Variants in BMPR1B observed in about 807,000 individuals in gnomAD.
BMPR1B encodes bone morphogenetic protein receptor type 1B, also known as bone morphogenetic protein receptor type-1B.
BMPR1B carries 12 observed loss-of-function variants against 59.1 expected under a neutral mutation model. That is an observed-to-expected ratio of 0.20 (90% CI 0.13 to 0.33). The LOEUF is 0.33. Among genes scored for constraint, BMPR1B ranks in the 10% least tolerant of loss-of-function variants. The pLI, the probability that BMPR1B is intolerant of heterozygous loss-of-function variation, is 1.00. For synonymous variants in BMPR1B, 237 were observed against 207.3 expected (o/e 1.14, Z -1.23); for missense variants, 550 against 610.9 (o/e 0.90, Z 1.05).
chr4:94,894,677 A>G (rs1246341268), intron 2 of BMPR1B, among the ~76,000 whole-genome samples: 2 of 151,618 alleles, frequency 1.3e-5, no homozygotes, highest in African/African-American at 2.4e-5. Flanking sequence ...TTTCCCTGAG[A>G]TATCTTTTGA....
chr4:94,770,613 C>T (rs758784601), intron 1 of BMPR1B, among the ~76,000 whole-genome samples: 5 of 151,968 alleles, frequency 3.3e-5, no homozygotes, highest in Non-Finnish European at 7.4e-5. Context: ...AAAATTTAAT[C>T]TATATTTCCT....
At chr4:95,127,044 C>CTGTGTGTGTGTGTGTGTGTGTG (rs6148578) in intron 8 of BMPR1B, among the ~76,000 whole-genome samples, 1,650 of 146,408 alleles carry the variant, frequency 0.011, 5 homozygotes, top group Middle Eastern at 0.021. Context: ...AGAATTAAGA[C>CTGTGTGTGTGTGTGTGTGTGTG]TGTGTGTGTG....
chr4:95,130,723 CTTTTTTTTTTTT>C (rs148720302), intron 9 of BMPR1B, among the ~76,000 whole-genome samples: 73 of 77,948 alleles, frequency 9.4e-4, no homozygotes, highest in African/African-American at 3.6e-3. Context: ...CTTTTCTTTT[CTTTTTTTTTTTT>C]TTTTTTTTTT....
chr4:94,807,765 A>G (rs918942403), intron 1 of BMPR1B, among the ~76,000 whole-genome samples: 2 of 152,058 alleles, frequency 1.3e-5, no homozygotes, highest in African/African-American at 4.8e-5. Context: ...GCTCACTGCA[A>G]CCTCTTCCTC....
At chr4:94,895,365 G>A (rs1187517957) in intron 2 of BMPR1B, among the ~76,000 whole-genome samples, 1 of 151,592 alleles carries the variant, frequency 6.6e-6, no homozygotes, top group African/African-American at 2.4e-5. Flanking sequence ...ATTTTTCTTT[G>A]ATTTATAATC....
At chr4:95,051,640 G>T in intron 3 of BMPR1B, 1 of 1,493,480 alleles carries the variant, frequency 6.7e-7, no homozygotes, top group Non-Finnish European at 9.0e-7. Context: ...AGTGAAAGAC[G>T]GAAAGGCAAG....
intron 3 of BMPR1B, chr4:95,051,708 G>C (rs559432654): frequency 6.5e-7 from 1 of 1,535,588 alleles, no homozygotes; most frequent in Non-Finnish European, 8.7e-7. Context: ...CAATGGGTTG[G>C]CTGGAAGAAC....
intron 2 of BMPR1B, among the ~76,000 whole-genome samples, chr4:94,943,742 C>T (rs558347435): frequency 6.6e-6 from 1 of 152,264 alleles, no homozygotes; most frequent in African/African-American, 2.4e-5. Context: ...ATAATTTGCT[C>T]AAGATTAAAC....
chr4:95,079,187 A>C (rs1172403028), intron 3 of BMPR1B, among the ~76,000 whole-genome samples: 2 of 152,226 alleles, frequency 1.3e-5, no homozygotes, highest in Non-Finnish European at 2.9e-5. Flanking sequence ...TGGCAATCGC[A>C]ATAGAAAATA....
At chr4:95,037,413 A>T (rs4145994) in intron 3 of BMPR1B, among the ~76,000 whole-genome samples, 40,628 of 152,078 alleles carry the variant, frequency 0.27, 6,340 homozygotes, top group South Asian at 0.42. Context: ...CATGTTTGAG[A>T]AAAGAGGTTA....
intron 2 of BMPR1B, among the ~76,000 whole-genome samples, chr4:94,989,718 T>C (rs1481271781): frequency 6.6e-6 from 1 of 152,192 alleles, no homozygotes; most frequent in Non-Finnish European, 1.5e-5. Flanking sequence ...AAATAAAATA[T>C]TTCTTATTCC....
At chr4:94,996,159 C>A (rs911786021) in intron 3 of BMPR1B, 25 bp downstream of exon 3, 2 of 152,198 alleles carry the variant, frequency 1.3e-5, no homozygotes, top group Non-Finnish European at 2.9e-5. Context: ...AGTTCAGTCT[C>A]GCTGTTACTC....
At chr4:94,986,535 T>A (rs1009148356) in intron 2 of BMPR1B, among the ~76,000 whole-genome samples, 1 of 151,840 alleles carries the variant, frequency 6.6e-6, no homozygotes, top group Non-Finnish European at 1.5e-5. Flanking sequence ...AGATTTTTCA[T>A]TTTTAGTCCT....
chr4:94,991,268 T>C (rs1383442447), intron 2 of BMPR1B, among the ~76,000 whole-genome samples: 1 of 152,242 alleles, frequency 6.6e-6, no homozygotes, highest in Non-Finnish European at 1.5e-5. Flanking sequence ...TACTTCTCAT[T>C]GTACATGCTA....
intron 3 of BMPR1B, among the ~76,000 whole-genome samples, chr4:95,100,435 T>C (rs1425891929): frequency 1.3e-5 from 2 of 152,148 alleles, no homozygotes; most frequent in Non-Finnish European, 2.9e-5. Flanking sequence ...CCATACTTAT[T>C]TTTTATGTCT....
intron 3 of BMPR1B, among the ~76,000 whole-genome samples, chr4:95,005,526 C>A (rs1349958253): frequency 6.6e-6 from 1 of 152,138 alleles, no homozygotes; most frequent in Non-Finnish European, 1.5e-5. Flanking sequence ...AGGAGCCATA[C>A]ATGTTATCAC....
chr4:95,082,240 A>T lies in BMPR1B; in HGVS notation c.-17-22168A>T, dbSNP rs551386625. The stretch of plus-strand genomic sequence containing the variant: ...TTTTTTTTTAACATAGTAAATATCG[A>T]AAACTGTATCCAGACACACAGAAAA... On this transcript the variant is annotated intron_variant, in intron 3 of 12. Coordinates refer to ENST00000515059, the MANE Select transcript of BMPR1B (RefSeq NM_001203.3). Among the ~76,000 whole-genome samples the T allele has an allele frequency of 3.2e-3, 480 of 149,518 alleles. 1 individual carries two copies. Among genetic ancestry groups the T allele is most frequent in the African/African-American group, 0.011 (443 of 40,570 alleles).
intron 1 of BMPR1B, among the ~76,000 whole-genome samples, chr4:94,833,192 C>CAA (rs60473542): frequency 0.1 from 13,676 of 132,662 alleles, 708 homozygotes; most frequent in Non-Finnish European, 0.12. Flanking sequence ...GACTCTTTCT[C>CAA]AAAAAAAAAA....
intron 3 of BMPR1B, among the ~76,000 whole-genome samples, chr4:95,042,902 G>A (rs999625767): frequency 1.3e-5 from 2 of 151,878 alleles, no homozygotes; most frequent in African/African-American, 2.4e-5. Context: ...TCGGCCGGGC[G>A]CGGTGGCTCA....
Sources: gnomAD v4.1 joint callset for allele counts (sites outside exome capture counted in the v4.1 genomes callset) on GRCh38, gnomAD v4.1.1 for gene constraint, MANE v1.5 for transcripts, NCBI Gene and HGNC (gene_info 2026-07-23, HGNC 2026-07-21) for gene names.